Variants in PGK1 observed in about 807,000 individuals in gnomAD.
PGK1 encodes PRP 2.
PGK1 carries 3 observed loss-of-function variants against 26.9 expected under a neutral mutation model. The observed-to-expected ratio is 0.11, with a 90% CI of 0.05 to 0.29. The LOEUF is 0.29. PGK1 is among the 10% of genes least tolerant of loss of function. The pLI is 1.00. For synonymous variants in PGK1, 125 were observed against 115.3 expected, an observed-to-expected ratio of 1.08 and a Z score of -0.54; for missense variants, 270 against 314.7, an observed-to-expected ratio of 0.86 and a Z score of 1.07.
chrX:78,110,846 T>TC (rs2078297182), intron 2 of PGK1, among the ~76,000 whole-genome samples: 1 of 110,795 alleles, frequency 9.0e-6, no homozygotes, highest in Admixed American at 9.6e-5. Context: ...GTTTAGCTGC[T>TC]CCAGTGTCTT....
intron 1 of PGK1, among the ~76,000 whole-genome samples, chrX:78,109,533 T>A (rs1360283725): frequency 1.8e-5 from 2 of 109,542 alleles, no homozygotes; most frequent in African/African-American, 3.3e-5. Context: ...TAAGTTAGGT[T>A]TTTTTTTTAA....
chrX:78,124,078 T>C (rs1557248375), intron 8 of PGK1, among the ~76,000 whole-genome samples: 1 of 111,773 alleles, frequency 8.9e-6, no homozygotes, highest in African/African-American at 3.3e-5. Context: ...GTATACTGAT[T>C]ACAAGCAGGG....
At chrX:78,115,152 T>A (rs1248445277) in intron 4 of PGK1, among the ~76,000 whole-genome samples, 3 of 111,496 alleles carry the variant, frequency 2.7e-5, no homozygotes, top group Non-Finnish European at 3.8e-5. Context: ...TAAAATTTGG[T>A]GTCCTTTTAA....
chrX:78,125,050 A>T lies in PGK1; in HGVS notation c.1113A>T (p.Ile371=), dbSNP rs1008641570. The T allele has an allele frequency of 1.7e-6, 2 of 1,203,002 alleles. No individual in the cohort carries two copies. Among genetic ancestry groups the T allele is most frequent in the Non-Finnish European group, 2.3e-6 (2 of 887,440 alleles). ...KATSRGCITI[I]GGGDTATCCA... ...CTTCTAGGGGCTGCATCACCATCAT[A>T]GGTAAGCGGTCCTATACAAAGCTAA... Residue 371 remains isoleucine, a splice_region_variant and synonymous_variant, in exon 9 of 11, where the codon ATA becomes ATT. Coordinates refer to ENST00000373316, the MANE Select transcript of PGK1 (RefSeq NM_000291.4).
rs200892196 is a variant in PGK1, at chrX:78,123,610, G to GT, written c.936+253dup. 0.055 allele frequency among the ~76,000 whole-genome samples: 5,425 copies of GT among 99,178 alleles called. 169 individuals carry two copies. Among genetic ancestry groups the GT allele is most frequent in the Non-Finnish European group, 0.08 (3,858 of 48,137 alleles). The allele number at this position is 99,178 out of a possible 115,157, so 86.1% of individuals were successfully genotyped here. A position where few individuals can be genotyped will look rare whatever the true frequency, so the allele number is the denominator to read the frequency against. ...TGTGTTGCAAAACTTTGTTGTTGTT[G>GT]TTTTTTTTTTTTTTTTTGAGACAGA... On this transcript the variant is annotated intron_variant, in intron 8 of 10. Transcript: ENST00000373316.
At chrX:78,109,306 A>G (rs2078288059) in intron 1 of PGK1, among the ~76,000 whole-genome samples, 1 of 110,972 alleles carries the variant, frequency 9.0e-6, no homozygotes, top group Non-Finnish European at 1.9e-5. Flanking sequence ...ATTTTCTCTT[A>G]GTGTGTTTTA....
intron 6 of PGK1, among the ~76,000 whole-genome samples, chrX:78,120,634 AC>A (rs2078350347): frequency 9.1e-6 from 1 of 109,735 alleles, no homozygotes; most frequent in East Asian, 2.9e-4. Flanking sequence ...ACCTGGGACT[AC>A]AGGCATGCAT....
chrX:78,118,197 T>G, intron 6 of PGK1, 27 bp downstream of exon 6: 2 of 1,206,520 alleles, frequency 1.7e-6, no homozygotes, highest in Non-Finnish European at 2.2e-6. Flanking sequence ...AAGATCATGC[T>G]TTAAGTATTG....
At chrX:78,114,495 C>G (rs1446623119) in intron 4 of PGK1, among the ~76,000 whole-genome samples, 1 of 110,886 alleles carries the variant, frequency 9.0e-6, no homozygotes, top group African/African-American at 3.3e-5. Flanking sequence ...AAGGCATTTT[C>G]TTAAGATGTG....
In PGK1 at chrX:78,126,658, T is replaced by C. The variant is rs782635306; in HGVS notation, c.*828T>C. On this transcript the variant is annotated 3_prime_UTR_variant, in exon 11 of 11. Coordinates refer to ENST00000373316, the MANE Select transcript of PGK1 (RefSeq NM_000291.4). ...ATATTGTTCACTTCTTTTTTTTTTA[T>C]TTTTTAAAGAAATCTATTTCATACC... is the stretch of plus-strand genomic sequence containing the variant. 9.0e-6 allele frequency: 1 copy of C among 111,139 alleles called. No homozygotes were observed. Among genetic ancestry groups the C allele is most frequent in the South Asian group, 3.9e-4 (1 of 2,597 alleles). 9.2% of individuals were successfully genotyped at this position (111,139 alleles called of 1,213,427 possible). A position where few individuals can be genotyped will look rare whatever the true frequency, so the allele number is the denominator to read the frequency against.
intron 4 of PGK1, among the ~76,000 whole-genome samples, chrX:78,114,592 A>C (rs781920907): frequency 1.8e-5 from 2 of 111,216 alleles, no homozygotes; most frequent in East Asian, 2.8e-4. Flanking sequence ...AAAAAAAAAA[A>C]AACTTAAGTT....
chrX:78,114,876 T>C (rs1271789195), intron 4 of PGK1, among the ~76,000 whole-genome samples: 2 of 112,387 alleles, frequency 1.8e-5, no homozygotes, highest in African/African-American at 6.5e-5. Flanking sequence ...AACTGGCTCT[T>C]TGCAGATGAT....
chrX:78,125,827 T>G lies in PGK1; in HGVS notation c.1251T>G (p.Ile417Met), dbSNP rs1459557267. 1 of 1,195,558 alleles carries G rather than the reference T, an allele frequency of 8.4e-7. No homozygotes were observed. The highest frequency in any genetic ancestry group is 1.8e-5 in the African/African-American group (1 of 56,880). ...CTGGGGTGGATGCTCTCAGCAATAT[T>G]TAGTACTTTCCTGCCTTTTAGTTCC... ...VLPGVDALSN[I>M] is the part of the protein sequence containing the mutation. Residue 417 changes from isoleucine (I) to methionine (M), a missense_variant, in exon 11 of 11, where the codon ATT becomes ATG. Coordinates refer to ENST00000373316, the MANE Select transcript of PGK1 (RefSeq NM_000291.4).
intron 6 of PGK1, among the ~76,000 whole-genome samples, chrX:78,118,438 CGGT>C (rs1476771979): frequency 3.6e-5 from 4 of 109,878 alleles, no homozygotes; most frequent in Non-Finnish European, 7.6e-5. Context: ...ATTAGCTGGG[CGGT>C]GGTGGTATGC....
chrX:78,104,656 C>T (rs782785276), intron 1 of PGK1, among the ~76,000 whole-genome samples: 1 of 111,320 alleles, frequency 9.0e-6, no homozygotes, highest in Non-Finnish European at 1.9e-5. Flanking sequence ...GCCGCTGGGA[C>T]CCATTTTGTC....
chrX:78,116,457 C>T (rs1159285286), intron 4 of PGK1, among the ~76,000 whole-genome samples: 5 of 112,179 alleles, frequency 4.5e-5, no homozygotes, highest in African/African-American at 1.6e-4. Flanking sequence ...TGGCAGTCCC[C>T]TTCACCTCCT....
intron 1 of PGK1, among the ~76,000 whole-genome samples, chrX:78,108,856 T>G (rs1185745372): frequency 8.9e-6 from 1 of 112,062 alleles, no homozygotes; most frequent in Non-Finnish European, 1.9e-5. Flanking sequence ...GCATTTACTG[T>G]GTGTCAGGTA....
intron 8 of PGK1, among the ~76,000 whole-genome samples, chrX:78,123,609 TG>T (rs2078367582): frequency 1.9e-5 from 2 of 104,864 alleles, no homozygotes; most frequent in East Asian, 3.0e-4. Context: ...TTGTTGTTGT[TG>T]TTTTTTTTTT....
At position 78,125,057 on chromosome X, in the gene PGK1, C is replaced by T. The variant is rs782136810; in HGVS notation, c.1114+6C>T. 77 of 1,194,224 alleles carry T rather than the reference C, an allele frequency of 6.4e-5. No homozygotes were observed. In the East Asian group the frequency reaches 1.7e-3, roughly 27 times the overall value. On this transcript the variant is annotated splice_donor_region_variant and intron_variant, in intron 9 of 10. Transcript: ENST00000373316. ...GGGCTGCATCACCATCATAGGTAAG[C>T]GGTCCTATACAAAGCTAATACCCAT...
Sources: gnomAD v4.1 joint callset for allele counts (sites outside exome capture counted in the v4.1 genomes callset) on GRCh38, gnomAD v4.1.1 for gene constraint, MANE v1.5 for transcripts, NCBI Gene and HGNC (gene_info 2026-07-23, HGNC 2026-07-21) for gene names.